Variants in ITPKC observed in about 807,000 individuals in gnomAD.
ITPKC encodes inositol-trisphosphate 3-kinase C, also known as IP3 3-kinase C.
Under a neutral mutation model 67.1 loss-of-function variants are expected in ITPKC, and 33 were observed. The ratio of observed to expected loss-of-function variants is 0.49; its 90% CI spans 0.37 to 0.66. The LOEUF is 0.66. ITPKC is among the 30% of genes least tolerant of loss of function. The probability of loss-of-function intolerance (pLI) is 0.00; values close to 1 mark genes in which losing one functional copy is unlikely to be tolerated. For missense variants in ITPKC, 820 were observed against 892.1 expected (o/e 0.92, Z 1.03); for synonymous variants, 341 against 359.8 (o/e 0.95, Z 0.59).
chr19:40,733,819 C>T (rs541988984), intron 4 of ITPKC, among the ~76,000 whole-genome samples: 1 of 152,096 alleles, frequency 6.6e-6, no homozygotes, highest in South Asian at 2.1e-4. Flanking sequence ...TTTGGGAGGC[C>T]AAGGCAGGAG....
intron 1 of ITPKC, among the ~76,000 whole-genome samples, chr19:40,724,086 G>A (rs181527272): frequency 1.3e-5 from 2 of 152,246 alleles, no homozygotes; most frequent in Non-Finnish European, 2.9e-5. Flanking sequence ...GCTCCTACCC[G>A]AAAGTGACAC....
chr19:40,725,411 C>G lies in ITPKC; in HGVS notation c.1227C>G (p.Tyr409Ter). The G allele has an allele frequency of 6.2e-7, 1 of 1,612,682 alleles. No individual in the cohort carries two copies. The highest frequency in any genetic ancestry group is 8.5e-7 in the Non-Finnish European group (1 of 1,178,604). ...SPFVVSFRKH[Y>*]PWVQLSGHAG... ...TTGTGGTCTCCTTCCGAAAACACTA[C>G]CCTTGGGTCCAGCTTTCTGGACATG... Residue 409 changes from tyrosine to a stop codon, truncating the protein, a stop_gained, in exon 2 of 7, where the codon TAC becomes TAG. Transcript: ENST00000263370. LOFTEE classifies it high-confidence loss of function.
chr19:40,725,998 T>TG (rs1290173281), intron 2 of ITPKC, among the ~76,000 whole-genome samples: 2 of 151,874 alleles, frequency 1.3e-5, no homozygotes, highest in African/African-American at 4.8e-5. Context: ...CCCAGGCCTT[T>TG]GGGAGGCCGA....
At chr19:40,732,521 CAAAAAAA>C (rs33945584) in intron 3 of ITPKC, among the ~76,000 whole-genome samples, 8 of 77,588 alleles carry the variant, frequency 1.0e-4, no homozygotes, top group Admixed American at 5.2e-4. Context: ...GGGCGGGCGT[CAAAAAAA>C]AAAAAAAAAA....
intron 3 of ITPKC, among the ~76,000 whole-genome samples, chr19:40,731,459 A>G (rs1043989315): frequency 5.9e-5 from 9 of 152,338 alleles, no homozygotes; most frequent in South Asian, 2.1e-4. Flanking sequence ...TACAAAGGAT[A>G]CTGCAAAAGA....
In ITPKC at chr19:40,733,290, A is replaced by G; in HGVS notation, c.1600A>G (p.Lys534Glu). The G allele has an allele frequency of 6.2e-7, 1 of 1,614,028 alleles. No individual in the cohort carries two copies. The highest frequency in any genetic ancestry group is 8.5e-7 in the Non-Finnish European group (1 of 1,179,962). Residue 534 changes from lysine (K) to glutamate (E), a missense_variant, in exon 4 of 7, where the codon AAG becomes GAG. Coordinates refer to ENST00000263370, the MANE Select transcript of ITPKC (RefSeq NM_025194.3). ...GGAGCATGCCCAGGGTGCAGTCACC[A>G]AGCCCCGCTACATGCAGTGGAGGGA... ...PEEHAQGAVTKPRYMQWRETM... is the reference protein window; with the variant it reads ...PEEHAQGAVTEPRYMQWRETM...
At chr19:40,730,033 T>G (rs1191134954) in intron 3 of ITPKC, among the ~76,000 whole-genome samples, 1 of 152,104 alleles carries the variant, frequency 6.6e-6, no homozygotes, top group Non-Finnish European at 1.5e-5. Flanking sequence ...CTCCACCTCC[T>G]GGGTTTAAGT....
chr19:40,732,745 G>C (rs1045419559), intron 3 of ITPKC, among the ~76,000 whole-genome samples: 2 of 151,990 alleles, frequency 1.3e-5, no homozygotes, highest in Admixed American at 1.3e-4. Context: ...CTTTAATTTA[G>C]TCCAGTTTGT....
intron 3 of ITPKC, 47 bp downstream of exon 3, chr19:40,729,462 G>T: frequency 1.3e-6 from 2 of 1,529,514 alleles, no homozygotes; most frequent in Non-Finnish European, 8.9e-7. Flanking sequence ...CAGGGGGTGG[G>T]CATTATTGAA....
intron 6 of ITPKC, 65 bp from the exon 7 acceptor site, chr19:40,739,292 C>T: frequency 8.2e-7 from 1 of 1,218,858 alleles, no homozygotes. Context: ...TGCTCTGCTG[C>T]CTGTCAGGAA....
chr19:40,717,463 A>G lies in ITPKC; in HGVS notation c.328A>G (p.Lys110Glu). ...CCTTGGAGTAGAGACCGAGAGGCCC[A>G]AGCAAAAGACGGAGCCAGACAGGTC... Reference protein sequence around the residue: ...AGLGVETERPKQKTEPDRSSL... With the variant: ...AGLGVETERPEQKTEPDRSSL... Residue 110 changes from lysine to glutamate, a missense_variant, in exon 1 of 7, where the codon AAG becomes GAG. By Grantham distance (56) the Lys-to-Glu change is moderately conservative. Transcript: ENST00000263370. 6.2e-7 allele frequency: 1 copy of G among 1,614,052 alleles called. No individual in the cohort carries two copies. The highest frequency in any genetic ancestry group is 1.1e-5 in the South Asian group (1 of 91,082).
chr19:40,732,521 CAAAAAAAAAA>C (rs33945584), intron 3 of ITPKC, among the ~76,000 whole-genome samples: 3 of 77,590 alleles, frequency 3.9e-5, no homozygotes, highest in Admixed American at 1.7e-4. Context: ...GGGCGGGCGT[CAAAAAAAAAA>C]AAAAAAAAAA....
chr19:40,732,521 C>CA (rs33945584), intron 3 of ITPKC, among the ~76,000 whole-genome samples: 855 of 77,558 alleles, frequency 0.011, 29 homozygotes, highest in African/African-American at 0.037. Context: ...GGGCGGGCGT[C>CA]AAAAAAAAAA....
intron 3 of ITPKC, among the ~76,000 whole-genome samples, chr19:40,731,984 T>A (rs1599653554): frequency 1.3e-5 from 2 of 150,060 alleles, no homozygotes; most frequent in South Asian, 4.4e-4. Context: ...ATGCCTGTAA[T>A]CCCAGCACTT....
At chr19:40,724,267 G>C (rs1462547775) in intron 1 of ITPKC, among the ~76,000 whole-genome samples, 1 of 152,186 alleles carries the variant, frequency 6.6e-6, no homozygotes, top group Non-Finnish European at 1.5e-5. Context: ...GCACACGCCT[G>C]TAGTCCTGAC....
chr19:40,740,624 C>G lies in ITPKC; in HGVS notation c.*1064C>G, dbSNP rs1020153654. On this transcript the variant is annotated 3_prime_UTR_variant, in exon 7 of 7. Transcript: ENST00000263370. ...GCCCCTCCAGCACCCATAGCCAGGT[C>G]TTCCTGGCCCTTGAGGCTGGGCTGG... The G allele has an allele frequency of 1.2e-5, 3 of 256,204 alleles. No individual in the cohort carries two copies. The highest frequency in any genetic ancestry group is 5.5e-5 in the Admixed American group (1 of 18,150). 15.9% of individuals were successfully genotyped at this position (256,204 alleles called of 1,614,324 possible).
chr19:40,729,295 G>T lies in ITPKC; in HGVS notation c.1349G>T (p.Arg450Leu). The T allele has an allele frequency of 6.2e-7, 1 of 1,614,156 alleles. No individual in the cohort carries two copies. Among genetic ancestry groups the T allele is most frequent in the Admixed American group, 1.7e-5 (1 of 60,008 alleles). ...SLEQLMKDPLRPFVPAYYGMV... is the reference protein window; with the variant it reads ...SLEQLMKDPLLPFVPAYYGMV... ...GAGCAGCTGATGAAAGACCCGCTGC[G>T]ACCTTTCGTGCCTGCCTACTATGGC... Residue 450 changes from arginine to leucine, a missense_variant, in exon 3 of 7, where the codon CGA becomes CTA. Around this residue, in one of 2 missense-constraint regions of ITPKC, gnomAD observed 339 missense variants for 422.0 expected, o/e 0.80. Coordinates refer to ENST00000263370, the MANE Select transcript of ITPKC (RefSeq NM_025194.3).
chr19:40,727,418 AT>A (rs1313969335), intron 2 of ITPKC, among the ~76,000 whole-genome samples: 2 of 152,180 alleles, frequency 1.3e-5, no homozygotes, highest in African/African-American at 4.8e-5. Context: ...GTTAAAAAAA[AT>A]AACTTAGTAG....
At chr19:40,730,544 A>C (rs1193290350) in intron 3 of ITPKC, among the ~76,000 whole-genome samples, 1 of 151,882 alleles carries the variant, frequency 6.6e-6, no homozygotes, top group Non-Finnish European at 1.5e-5. Flanking sequence ...CGGTCCTTTC[A>C]CCTTAGCCTC....
Sources: allele counts gnomAD v4.1 joint callset (sites outside exome capture counted in the v4.1 genomes callset), GRCh38; gene constraint gnomAD v4.1.1; regional missense constraint gnomAD v4.1.1; transcripts MANE v1.5; gene names NCBI Gene and HGNC (gene_info 2026-07-23, HGNC 2026-07-21).